Variants in TYR observed in about 807,000 individuals in gnomAD.
The protein encoded by TYR is tyrosinase.
In TYR, 58 loss-of-function variants were observed where a neutral mutation model predicts 51.5. That is an observed-to-expected ratio of 1.13 (90% CI 0.91 to 1.40). TYR has a LOEUF of 1.40. TYR is among the 40% of genes most tolerant of loss of function. The probability of loss-of-function intolerance (pLI) is 0.00; values close to 1 mark genes in which losing one functional copy is unlikely to be tolerated. For missense variants in TYR, 732 were observed against 647.4 expected (o/e 1.13, Z -1.42); for synonymous variants, 263 against 235.2 (o/e 1.12, Z -1.08).
intron 3 of TYR, among the ~76,000 whole-genome samples, chr11:89,266,039 A>G (rs1004639117): frequency 6.6e-6 from 1 of 151,976 alleles, no homozygotes; most frequent in Admixed American, 6.6e-5. Flanking sequence ...TTAGCATTTG[A>G]TCGATCTTTT....
intron 2 of TYR, among the ~76,000 whole-genome samples, chr11:89,197,767 G>A (rs1381101637): frequency 1.3e-5 from 2 of 152,114 alleles, no homozygotes; most frequent in Non-Finnish European, 2.9e-5. Flanking sequence ...AAAGCAACAA[G>A]TTCAGGATGA....
intron 2 of TYR, among the ~76,000 whole-genome samples, chr11:89,209,834 C>A (rs1168957162): frequency 1.3e-5 from 2 of 152,072 alleles, no homozygotes; most frequent in African/African-American, 2.4e-5. Context: ...GGGTCTGGAG[C>A]GGACCTCAAG....
intron 3 of TYR, among the ~76,000 whole-genome samples, chr11:89,230,442 T>C (rs1944032475): frequency 6.6e-6 from 1 of 152,026 alleles, no homozygotes; most frequent in Non-Finnish European, 1.5e-5. Context: ...AGAAAGCATA[T>C]GGTAAAAGTT....
At chr11:89,249,964 G>T (rs935711214) in intron 3 of TYR, among the ~76,000 whole-genome samples, 11 of 151,912 alleles carry the variant, frequency 7.2e-5, no homozygotes, top group African/African-American at 2.7e-4. Context: ...TGCATGTATT[G>T]TTCTTGGACA....
intron 3 of TYR, among the ~76,000 whole-genome samples, chr11:89,251,496 C>T (rs1944330348): frequency 6.6e-6 from 1 of 151,628 alleles, no homozygotes; most frequent in Non-Finnish European, 1.5e-5. Flanking sequence ...TCTAGAATAA[C>T]AATAAGGATA....
At chr11:89,188,563 T>C (rs1289876604) in intron 1 of TYR, among the ~76,000 whole-genome samples, 1 of 152,062 alleles carries the variant, frequency 6.6e-6, no homozygotes, top group Non-Finnish European at 1.5e-5. Flanking sequence ...ATACTGACAA[T>C]GGTAGATTTC....
At chr11:89,289,169 G>A (rs552110146) in intron 4 of TYR, among the ~76,000 whole-genome samples, 4 of 152,100 alleles carry the variant, frequency 2.6e-5, no homozygotes, top group South Asian at 2.1e-4. Flanking sequence ...TACTTTCTAC[G>A]TAGCAGAAAA....
intron 3 of TYR, among the ~76,000 whole-genome samples, chr11:89,283,194 T>C (rs976152954): frequency 6.6e-6 from 1 of 151,816 alleles, no homozygotes; most frequent in African/African-American, 2.4e-5. Context: ...TTTTAGTGTT[T>C]ATCAGTGGAC....
intron 3 of TYR, among the ~76,000 whole-genome samples, chr11:89,248,243 T>C (rs1388103457): frequency 6.6e-6 from 1 of 152,136 alleles, no homozygotes; most frequent in African/African-American, 2.4e-5. Flanking sequence ...ATTAAAATAT[T>C]TGCATTCTAG....
At chr11:89,201,226 AG>A (rs981834916) in intron 2 of TYR, among the ~76,000 whole-genome samples, 1 of 140,766 alleles carries the variant, frequency 7.1e-6, no homozygotes, top group African/African-American at 3.1e-5. Flanking sequence ...TTGGCAAAAA[AG>A]AAAAAAAATA....
chr11:89,245,121 G>T (rs755025325), intron 3 of TYR, among the ~76,000 whole-genome samples: 3 of 152,186 alleles, frequency 2.0e-5, no homozygotes, highest in Non-Finnish European at 2.9e-5. Context: ...TGTGAAGAAT[G>T]AGTAGATTTT....
intron 3 of TYR, among the ~76,000 whole-genome samples, chr11:89,265,081 C>T (rs1944510440): frequency 1.3e-5 from 2 of 151,904 alleles, no homozygotes; most frequent in Non-Finnish European, 2.9e-5. Context: ...ATGAGTATAC[C>T]TAATAACAAC....
intron 1 of TYR, among the ~76,000 whole-genome samples, chr11:89,190,201 C>T (rs1854496750): frequency 6.6e-6 from 1 of 152,040 alleles, no homozygotes; most frequent in African/African-American, 2.4e-5. Context: ...AGTAAGTTAA[C>T]TGTAAAACAG....
intron 4 of TYR, among the ~76,000 whole-genome samples, chr11:89,292,497 A>C (rs779211701): frequency 1.3e-5 from 2 of 152,126 alleles, no homozygotes; most frequent in African/African-American, 2.4e-5. Context: ...GAATATAAAT[A>C]ATCAGGAGGC....
intron 3 of TYR, among the ~76,000 whole-genome samples, chr11:89,266,678 C>T (rs1331207335): frequency 3.9e-5 from 6 of 151,920 alleles, no homozygotes. Context: ...TGGGCTGATA[C>T]CCATAGATTT....
chr11:89,292,044 T>C (rs1944857877), intron 4 of TYR, among the ~76,000 whole-genome samples: 1 of 152,060 alleles, frequency 6.6e-6, no homozygotes, highest in African/African-American at 2.4e-5. Context: ...TAAGACTTTT[T>C]TTTTCATTTT....
chr11:89,289,810 C>T (rs933177928), intron 4 of TYR, among the ~76,000 whole-genome samples: 3 of 151,854 alleles, frequency 2.0e-5, no homozygotes, highest in African/African-American at 7.3e-5. Flanking sequence ...GTTTGAGAAT[C>T]CAGAAGAGAA....
At chr11:89,248,298 A>T (rs1378320351) in intron 3 of TYR, among the ~76,000 whole-genome samples, 1 of 152,226 alleles carries the variant, frequency 6.6e-6, no homozygotes, top group Non-Finnish European at 1.5e-5. Flanking sequence ...AATAAGCACA[A>T]AATTCAGTTA....
chr11:89,183,931 A>G (rs1677306094), intron 1 of TYR, among the ~76,000 whole-genome samples: 1 of 152,116 alleles, frequency 6.6e-6, no homozygotes, highest in Admixed American at 6.6e-5. Context: ...TTATTTGATC[A>G]TTGATAGAAA....
Sources: gnomAD v4.1 joint callset for allele counts (sites outside exome capture counted in the v4.1 genomes callset) on GRCh38, gnomAD v4.1.1 for gene constraint, MANE v1.5 for transcripts, NCBI Gene and HGNC (gene_info 2026-07-23, HGNC 2026-07-21) for gene names.